Variants in NRG1 observed in about 807,000 individuals in gnomAD.
NRG1 encodes the protein neuregulin 1, also known as pro-neuregulin-1, membrane-bound isoform.
A neutral mutation model predicts 63.8 loss-of-function variants in NRG1; 18 were observed. The observed-to-expected ratio is 0.28, with a 90% CI of 0.19 to 0.42. NRG1 has a LOEUF of 0.42. Among genes scored for constraint, NRG1 ranks in the 10% least tolerant of loss-of-function variants. NRG1 has a pLI of 1.00. For synonymous variants in NRG1, 302 were observed against 301.3 expected, an observed-to-expected ratio of 1.00 and a Z score of -0.02; for missense variants, 762 against 814.7, an observed-to-expected ratio of 0.94 and a Z score of 0.79.
intron 1 of NRG1, among the ~76,000 whole-genome samples, chr8:32,167,979 T>A (rs946061339): frequency 6.6e-6 from 1 of 152,172 alleles, no homozygotes; most frequent in Non-Finnish European, 1.5e-5. Flanking sequence ...CAAACATGCA[T>A]TTTGATATAC....
chr8:32,535,211 A>C (rs1257029123), intron 1 of NRG1, among the ~76,000 whole-genome samples: 1 of 152,180 alleles, frequency 6.6e-6, no homozygotes, highest in Non-Finnish European at 1.5e-5. Context: ...ATGTCCTAGA[A>C]CAAAAACAGC....
intron 1 of NRG1, among the ~76,000 whole-genome samples, chr8:32,401,264 C>G (rs565247803): frequency 3.1e-4 from 47 of 152,214 alleles, no homozygotes; most frequent in Middle Eastern, 3.4e-3. Context: ...ACCAATATAA[C>G]AAACCAGCAC....
At chr8:32,040,672 TACAC>T (rs1225744670) in intron 1 of NRG1, among the ~76,000 whole-genome samples, 1 of 137,512 alleles carries the variant, frequency 7.3e-6, no homozygotes, top group Non-Finnish European at 1.5e-5. Flanking sequence ...TATATGTATA[TACAC>T]ACACACATAT....
intron 1 of NRG1, among the ~76,000 whole-genome samples, chr8:31,672,951 G>GTT (rs5890593): frequency 0.016 from 2,349 of 142,986 alleles, 47 homozygotes; most frequent in African/African-American, 0.048. Context: ...TAGAATCATA[G>GTT]TTTTTTTTTT....
chr8:31,850,440 G>A (rs1217176261), intron 1 of NRG1, among the ~76,000 whole-genome samples: 1 of 152,140 alleles, frequency 6.6e-6, no homozygotes, highest in Non-Finnish European at 1.5e-5. Context: ...TATGTGACCT[G>A]AGGGTCCATG....
intron 1 of NRG1, among the ~76,000 whole-genome samples, chr8:32,417,607 C>A (rs1816099773): frequency 6.6e-6 from 1 of 152,000 alleles, no homozygotes. Flanking sequence ...TAGTTGGATA[C>A]ACTTCCCACA....
At chr8:32,528,725 A>G (rs1249605166) in intron 1 of NRG1, among the ~76,000 whole-genome samples, 2 of 152,206 alleles carry the variant, frequency 1.3e-5, no homozygotes, top group African/African-American at 4.8e-5. Flanking sequence ...GTCCTATTAT[A>G]AACAACATAT....
chr8:32,239,236 C>CA (rs1383639398), intron 1 of NRG1, among the ~76,000 whole-genome samples: 2 of 131,228 alleles, frequency 1.5e-5, no homozygotes, highest in African/African-American at 5.7e-5. Context: ...TGAGTTTTGA[C>CA]AAAAAATGCA....
intron 1 of NRG1, among the ~76,000 whole-genome samples, chr8:31,812,847 C>T (rs530868259): frequency 6.6e-6 from 1 of 152,226 alleles, no homozygotes; most frequent in Admixed American, 6.5e-5. Flanking sequence ...TTGGAACTAG[C>T]AATTAATTTG....
intron 1 of NRG1, among the ~76,000 whole-genome samples, chr8:32,414,674 A>T (rs1356267231): frequency 6.6e-6 from 1 of 152,110 alleles, no homozygotes; most frequent in Non-Finnish European, 1.5e-5. Context: ...GTAGCAGGAG[A>T]GTAGTGCCAA....
intron 1 of NRG1, among the ~76,000 whole-genome samples, chr8:31,762,832 C>T (rs1817690138): frequency 6.6e-6 from 1 of 152,094 alleles, no homozygotes; most frequent in South Asian, 2.1e-4. Flanking sequence ...GAACACTTCC[C>T]AGCTTGTTTT....
At chr8:31,801,165 A>C (rs1821750025) in intron 1 of NRG1, among the ~76,000 whole-genome samples, 1 of 151,786 alleles carries the variant, frequency 6.6e-6, no homozygotes, top group Non-Finnish European at 1.5e-5. Context: ...GTCCTATCTC[A>C]ATTCTTATTC....
intron 1 of NRG1, among the ~76,000 whole-genome samples, chr8:32,210,094 A>G (rs1844536474): frequency 1.3e-5 from 2 of 152,178 alleles, no homozygotes; most frequent in Admixed American, 1.3e-4. Flanking sequence ...TGGGGACTAA[A>G]GAAATTATTG....
intron 1 of NRG1, among the ~76,000 whole-genome samples, chr8:32,276,232 G>A (rs1383610803): frequency 6.6e-6 from 1 of 152,048 alleles, no homozygotes; most frequent in African/African-American, 2.4e-5. Flanking sequence ...ATGACTACAG[G>A]TCTATCTCTG....
At chr8:32,279,270 T>C (rs1040463728) in intron 1 of NRG1, among the ~76,000 whole-genome samples, 1 of 152,224 alleles carries the variant, frequency 6.6e-6, no homozygotes, top group Non-Finnish European at 1.5e-5. Context: ...CTAACTAATT[T>C]AATTCCTGCA....
At chr8:32,508,141 C>T (rs1828754159) in intron 1 of NRG1, among the ~76,000 whole-genome samples, 1 of 152,210 alleles carries the variant, frequency 6.6e-6, no homozygotes, top group African/African-American at 2.4e-5. Flanking sequence ...TGTGGTGGCA[C>T]ATGCCTATAG....
At chr8:31,845,319 G>A (rs913304874) in intron 1 of NRG1, among the ~76,000 whole-genome samples, 4 of 152,060 alleles carry the variant, frequency 2.6e-5, no homozygotes, top group Admixed American at 1.3e-4. Context: ...CTAAAAAGAA[G>A]TTCTTTTTGT....
At chr8:32,134,972 CTT>C (rs1341626538) in intron 1 of NRG1, among the ~76,000 whole-genome samples, 2 of 152,062 alleles carry the variant, frequency 1.3e-5, no homozygotes, top group African/African-American at 4.8e-5. Flanking sequence ...TAAAATAACA[CTT>C]AAAGTGAGAT....
chr8:32,069,668 T>C (rs1446896639), intron 1 of NRG1, among the ~76,000 whole-genome samples: 1 of 152,102 alleles, frequency 6.6e-6, no homozygotes, highest in African/African-American at 2.4e-5. Context: ...GTAAGGATGC[T>C]TGTGACCCTG....
Sources: allele counts gnomAD v4.1 joint callset (sites outside exome capture counted in the v4.1 genomes callset), GRCh38; gene constraint gnomAD v4.1.1; transcripts MANE v1.5; gene names NCBI Gene and HGNC (gene_info 2026-07-23, HGNC 2026-07-21).